PPP3CA: variants seen among roughly 807,000 people sequenced by gnomAD.
PPP3CA encodes the protein protein phosphatase 3 catalytic subunit alpha.
Under a neutral mutation model 66.5 loss-of-function variants are expected in PPP3CA, and 14 were observed. The ratio of observed to expected loss-of-function variants is 0.21; its 90% CI spans 0.14 to 0.33. PPP3CA has a LOEUF of 0.33. Ranked by LOEUF, PPP3CA falls within the 10% of genes least tolerant of loss-of-function variation. The pLI, the probability that PPP3CA is intolerant of heterozygous loss-of-function variation, is 1.00. For synonymous variants in PPP3CA, 232 were observed against 226.2 expected (o/e 1.03, Z -0.23); for missense variants, 317 against 639.5 (o/e 0.50, Z 5.44).
chr4:101,105,003 A>G (rs770989845), intron 3 of PPP3CA, among the ~76,000 whole-genome samples: 4 of 152,180 alleles, frequency 2.6e-5, no homozygotes, highest in Admixed American at 1.3e-4. Flanking sequence ...TTCATATGTC[A>G]CCAACATCCA....
intron 1 of PPP3CA, among the ~76,000 whole-genome samples, chr4:101,240,036 T>G (rs1726252690): frequency 8.9e-6 from 1 of 112,482 alleles, no homozygotes; most frequent in Non-Finnish European, 1.9e-5. Flanking sequence ...TTTGGTTTTT[T>G]TTTGGGGGGA....
intron 1 of PPP3CA, among the ~76,000 whole-genome samples, chr4:101,324,175 AG>A (rs1426395014): frequency 3.2e-5 from 4 of 125,998 alleles, no homozygotes; most frequent in Admixed American, 7.8e-5. Context: ...GAAGGAAGGA[AG>A]GAAGGAAGGA....
chr4:101,321,451 C>A (rs747724611), intron 1 of PPP3CA, among the ~76,000 whole-genome samples: 4 of 152,198 alleles, frequency 2.6e-5, no homozygotes, highest in Non-Finnish European at 4.4e-5. Flanking sequence ...AAAAGCAATC[C>A]TTGCCCTCAA....
At chr4:101,254,705 T>A (rs1438011148) in intron 1 of PPP3CA, among the ~76,000 whole-genome samples, 1 of 151,864 alleles carries the variant, frequency 6.6e-6, no homozygotes, top group African/African-American at 2.4e-5. Context: ...TTTAATACCA[T>A]AAGGCAGTAT....
At chr4:101,344,698 A>T (rs1374683274) in intron 1 of PPP3CA, among the ~76,000 whole-genome samples, 4 of 152,210 alleles carry the variant, frequency 2.6e-5, no homozygotes, top group Non-Finnish European at 4.4e-5. Flanking sequence ...TTCCATTTTA[A>T]GCAGTAGAGA....
chr4:101,032,495 TA>T lies in PPP3CA; in HGVS notation c.1242-132del, dbSNP rs1315150294. 4 of 700,894 alleles carry T rather than the reference TA, an allele frequency of 5.7e-6. No individual in the cohort carries two copies. The African/African-American group carries it at 7.3e-5, about 13-fold the overall frequency. The allele number at this position is 700,894 out of a possible 1,614,324, so 43.4% of individuals were successfully genotyped here. ...TATCTTGGCTCTCCGGATCTTTTTT[TA>T]AAATTTTTTTTAACATACTTTATTT... is the stretch of plus-strand genomic sequence containing the variant. On this transcript the variant is annotated intron_variant, in intron 11 of 13. Coordinates refer to ENST00000394854, the MANE Select transcript of PPP3CA (RefSeq NM_000944.5).
intron 1 of PPP3CA, among the ~76,000 whole-genome samples, chr4:101,228,042 G>C (rs1725839289): frequency 1.3e-5 from 2 of 151,594 alleles, no homozygotes; most frequent in South Asian, 4.1e-4. Context: ...TCTCTTCAAT[G>C]ATTCAAGCTA....
intron 11 of PPP3CA, among the ~76,000 whole-genome samples, chr4:101,037,235 C>G (rs967414705): frequency 2.6e-5 from 4 of 152,184 alleles, no homozygotes; most frequent in Non-Finnish European, 4.4e-5. Flanking sequence ...GATTCCACAC[C>G]TGACAGGACA....
At chr4:101,184,630 TGTAA>T (rs1157446998) in intron 2 of PPP3CA, among the ~76,000 whole-genome samples, 2 of 152,200 alleles carry the variant, frequency 1.3e-5, no homozygotes, top group Non-Finnish European at 2.9e-5. Flanking sequence ...TTTTAAAATT[TGTAA>T]GTGTCTCTTA....
intron 1 of PPP3CA, among the ~76,000 whole-genome samples, chr4:101,222,042 C>T (rs1252147070): frequency 6.6e-6 from 1 of 151,494 alleles, no homozygotes; most frequent in Non-Finnish European, 1.5e-5. Flanking sequence ...TTTCTTATTA[C>T]TTCTCATAAA....
At chr4:101,166,602 G>A (rs938509634) in intron 2 of PPP3CA, among the ~76,000 whole-genome samples, 2 of 152,240 alleles carry the variant, frequency 1.3e-5, no homozygotes, top group Non-Finnish European at 2.9e-5. Context: ...ACCCTGCCAC[G>A]TTAAGTCCAC....
chr4:101,097,340 G>A (rs751039687), intron 5 of PPP3CA, among the ~76,000 whole-genome samples: 7 of 151,944 alleles, frequency 4.6e-5, no homozygotes, highest in African/African-American at 1.2e-4. Context: ...AAGTACAAGC[G>A]TATTTTCTTA....
chr4:101,094,915 T>C (rs541350614), intron 5 of PPP3CA, among the ~76,000 whole-genome samples: 1 of 152,278 alleles, frequency 6.6e-6, no homozygotes, highest in Non-Finnish European at 1.5e-5. Flanking sequence ...TTCTTCATAT[T>C]GATATTTTTA....
At chr4:101,174,275 T>C (rs1723984702) in intron 2 of PPP3CA, among the ~76,000 whole-genome samples, 1 of 152,162 alleles carries the variant, frequency 6.6e-6, no homozygotes, top group Non-Finnish European at 1.5e-5. Flanking sequence ...TTGGCTCTTT[T>C]GAAACATGAA....
chr4:101,146,173 C>T (rs1722962799), intron 2 of PPP3CA, among the ~76,000 whole-genome samples: 1 of 152,074 alleles, frequency 6.6e-6, no homozygotes, highest in Admixed American at 6.6e-5. Flanking sequence ...CTAAAAAGTC[C>T]CTAAAAGCCT....
intron 1 of PPP3CA, among the ~76,000 whole-genome samples, chr4:101,246,808 A>C (rs1193778715): frequency 6.6e-6 from 1 of 152,166 alleles, no homozygotes; most frequent in Non-Finnish European, 1.5e-5. Context: ...TTTGTGATTT[A>C]TAATAGACTT....
At chr4:101,150,382 G>C (rs546388244) in intron 2 of PPP3CA, among the ~76,000 whole-genome samples, 3 of 152,242 alleles carry the variant, frequency 2.0e-5, no homozygotes, top group Middle Eastern at 6.8e-3. Flanking sequence ...AGAGAGCTCT[G>C]TGTGGCAATA....
chr4:101,214,103 G>A (rs752815850), intron 1 of PPP3CA, among the ~76,000 whole-genome samples: 1 of 152,064 alleles, frequency 6.6e-6, no homozygotes, highest in East Asian at 1.9e-4. Flanking sequence ...TAATTACAAT[G>A]GACTTTTACT....
At chr4:101,204,594 C>G (rs1725072141) in intron 1 of PPP3CA, among the ~76,000 whole-genome samples, 1 of 142,644 alleles carries the variant, frequency 7.0e-6, no homozygotes, top group Non-Finnish European at 1.5e-5. Flanking sequence ...CCAGATGGCA[C>G]TACTGCACTC....
Sources: allele counts gnomAD v4.1 joint callset (sites outside exome capture counted in the v4.1 genomes callset), GRCh38; gene constraint gnomAD v4.1.1; transcripts MANE v1.5; gene names NCBI Gene and HGNC (gene_info 2026-07-23, HGNC 2026-07-21).